EZR: variants seen among roughly 807,000 people sequenced by gnomAD.
The protein encoded by EZR is cytovillin 2.
EZR carries 40 observed loss-of-function variants against 74.8 expected under a neutral mutation model. The observed-to-expected ratio is 0.53, with a 90% confidence interval of 0.42 to 0.70. The LOEUF is 0.70. Ranked by LOEUF, EZR falls within the 30% of genes least tolerant of loss-of-function variation. The probability of loss-of-function intolerance (pLI) is 0.00; values close to 1 mark genes in which losing one functional copy is unlikely to be tolerated. For missense variants in EZR, 678 were observed against 755.8 expected, an observed-to-expected ratio of 0.90 and a Z score of 1.21; for synonymous variants, 341 against 283.3, an observed-to-expected ratio of 1.20 and a Z score of -2.05.
chr6:158,819,019 T>G (rs1286148110), intron 1 of EZR, among the ~76,000 whole-genome samples: 1 of 152,088 alleles, frequency 6.6e-6, no homozygotes, highest in Non-Finnish European at 1.5e-5. Flanking sequence ...GTCAAGCCTT[T>G]GAGAAACTCT....
chr6:158,808,661 C>T (rs781227814), intron 2 of EZR, among the ~76,000 whole-genome samples: 2 of 152,070 alleles, frequency 1.3e-5, no homozygotes, highest in African/African-American at 2.4e-5. Flanking sequence ...CAGGCGGGCA[C>T]GCAGGATCTT....
intron 9 of EZR, 80 bp from the exon 10 acceptor site, chr6:158,770,974 G>T: frequency 6.3e-7 from 1 of 1,597,156 alleles, no homozygotes; most frequent in African/African-American, 1.3e-5. Flanking sequence ...ACGGGTACTT[G>T]AAGCTCCAGG....
chr6:158,771,354 G>C lies in EZR; in HGVS notation c.849C>G (p.Leu283=), dbSNP rs1791103047. Residue 283 remains leucine (L), a synonymous_variant, in exon 9 of 14, where the codon CTC becomes CTG. Coordinates refer to ENST00000367075, the MANE Select transcript of EZR (RefSeq NM_001111077.2). ...RLRINKRILQ[L]CMGNHELYMR... Reference sequence around the variant, plus strand: ...TATACAACTCATGGTTGCCCATGCAGAGCTGCAGGATCCGCTTGTTGATTC... The same window carrying C: ...TATACAACTCATGGTTGCCCATGCACAGCTGCAGGATCCGCTTGTTGATTC... The C allele has an allele frequency of 6.2e-7, 1 of 1,614,058 alleles. No individual in the cohort carries two copies. Among genetic ancestry groups the C allele is most frequent in the South Asian group, 1.1e-5 (1 of 91,078 alleles).
chr6:158,796,073 C>G (rs1777064149), intron 2 of EZR, among the ~76,000 whole-genome samples: 1 of 152,190 alleles, frequency 6.6e-6, no homozygotes, highest in Non-Finnish European at 1.5e-5. Context: ...AAGGGTCTCC[C>G]TCCTTAGGGG....
rs907148913 is a variant in EZR at position 158,767,877 on chromosome 6, C to A, written c.1345-365G>T. ...TTATCAAGTGCTCTCCTGCTCGCCA[C>A]TTGCAGTCCTTCCAACAGCTTCACA... On this transcript the variant is annotated intron_variant, in intron 12 of 13. Coordinates refer to ENST00000367075, the MANE Select transcript of EZR (RefSeq NM_001111077.2). Among the ~76,000 whole-genome samples, 44 of 152,262 alleles carry A rather than the reference C, an allele frequency of 2.9e-4. No homozygotes were observed. In the East Asian group the frequency reaches 6.2e-3, roughly 21 times the overall value.
intron 2 of EZR, among the ~76,000 whole-genome samples, chr6:158,795,305 G>A (rs1339079504): frequency 6.6e-6 from 1 of 152,040 alleles, no homozygotes; most frequent in Non-Finnish European, 1.5e-5. Flanking sequence ...CAAATATAAT[G>A]GCTCAGGCCT....
chr6:158,772,293 A>C (rs2129208), intron 8 of EZR, among the ~76,000 whole-genome samples: 17,353 of 152,288 alleles, frequency 0.11, 1,016 homozygotes, highest in Middle Eastern at 0.15. Context: ...TGCAGCACAG[A>C]CAGCCACGTG....
chr6:158,787,302 A>C, intron 3 of EZR, 99 bp from the exon 4 acceptor site: 1 of 891,878 alleles, frequency 1.1e-6, no homozygotes. Flanking sequence ...CAGAGTCCCC[A>C]GGAAACCAGG....
intron 9 of EZR, 28 bp downstream of exon 9, chr6:158,771,216 C>A (rs550560192): frequency 1.0e-5 from 16 of 1,583,708 alleles, no homozygotes; most frequent in African/African-American, 5.4e-5. Context: ...GAACACAGGC[C>A]CCCCCCACTC....
intron 2 of EZR, among the ~76,000 whole-genome samples, chr6:158,794,325 C>A (rs946172093): frequency 2.6e-5 from 4 of 152,116 alleles, no homozygotes; most frequent in Non-Finnish European, 4.4e-5. Context: ...GCACCAGCAC[C>A]ACCACCACCA....
intron 6 of EZR, 91 bp from the exon 7 acceptor site, chr6:158,783,757 C>T (rs1485604113): frequency 1.5e-6 from 2 of 1,374,156 alleles, no homozygotes; most frequent in African/African-American, 2.9e-5. Flanking sequence ...ATTAAGGCGC[C>T]TTGTGTAGGA....
intron 8 of EZR, among the ~76,000 whole-genome samples, chr6:158,773,724 G>A (rs147645264): frequency 1.3e-5 from 2 of 152,258 alleles, no homozygotes; most frequent in Non-Finnish European, 2.9e-5. Flanking sequence ...AAAAGGCAGC[G>A]GGGCTCCTGG....
chr6:158,802,328 T>A (rs1187385943), intron 2 of EZR, among the ~76,000 whole-genome samples: 3 of 152,238 alleles, frequency 2.0e-5, no homozygotes, highest in Admixed American at 6.5e-5. Flanking sequence ...ATAAAAAGGC[T>A]TTCGGTACAG....
At chr6:158,815,483 T>TTG (rs2128577956) in intron 2 of EZR, among the ~76,000 whole-genome samples, 1 of 152,304 alleles carries the variant, frequency 6.6e-6, no homozygotes, top group South Asian at 2.1e-4. Context: ...AAAAGGGGTT[T>TTG]TGTTTGTTTT....
chr6:158,792,513 G>C (rs1030131969), intron 2 of EZR, among the ~76,000 whole-genome samples: 1 of 151,592 alleles, frequency 6.6e-6, no homozygotes, highest in African/African-American at 2.4e-5. Flanking sequence ...TAACAACCCA[G>C]TAGCGTGTAG....
At chr6:158,770,003 C>T (rs78772877) in intron 10 of EZR, 59 bp from the exon 11 acceptor site, 665 of 1,584,506 alleles carry the variant, frequency 4.2e-4, no homozygotes, top group Non-Finnish European at 2.4e-4. Context: ...TAGGAGCCCT[C>T]GCTTTCCATT....
At chr6:158,789,602 T>C in intron 2 of EZR, 1 of 666,024 alleles carries the variant, frequency 1.5e-6, no homozygotes. Flanking sequence ...TAAAGCACAC[T>C]GACACTTAGG....
intron 1 of EZR, among the ~76,000 whole-genome samples, chr6:158,819,004 C>CAA (rs1284722173): frequency 1.3e-5 from 2 of 152,176 alleles, no homozygotes; most frequent in East Asian, 3.9e-4. Context: ...GCTGCAGTCA[C>CAA]AACCGTCAAG....
At chr6:158,803,530 TA>T (rs1554274812) in intron 2 of EZR, among the ~76,000 whole-genome samples, 2 of 68,186 alleles carry the variant, frequency 2.9e-5, no homozygotes, top group Non-Finnish European at 4.7e-5. Context: ...TGTAACATTA[TA>T]TATATATATA....
Sources: allele counts gnomAD v4.1 joint callset (sites outside exome capture counted in the v4.1 genomes callset), GRCh38; gene constraint gnomAD v4.1.1; transcripts MANE v1.5; gene names NCBI Gene and HGNC (gene_info 2026-07-23, HGNC 2026-07-21).